TSBP1: variants seen among roughly 807,000 people sequenced by gnomAD.
TSBP1 encodes testis expressed basic protein 1.
A neutral mutation model predicts 68.8 loss-of-function variants in TSBP1; 56 were observed. The observed-to-expected ratio is 0.81, with a 90% CI of 0.66 to 1.02. The LOEUF is 1.02. Ranked by LOEUF, TSBP1 falls within the 50% of genes least tolerant of loss-of-function variation. TSBP1 has a pLI of 0.00. For synonymous variants in TSBP1, 171 were observed against 208.7 expected, an observed-to-expected ratio of 0.82 and a Z score of 1.56; for missense variants, 502 against 641.2, an observed-to-expected ratio of 0.78 and a Z score of 2.34.
Position 32,333,104 on chromosome 6 carries a change from G to A in TSBP1, c.473-1050C>T, listed in dbSNP as rs1256282535. On this transcript the variant is annotated intron_variant, in intron 14 of 22. Transcript: ENST00000612031. The surrounding 1 kb of genome is among the most constrained non-coding windows in gnomAD (Gnocchi z 4.2). ...GCTCACTGCAACCTCTGCCTCCTGGGTTCAAGCGATTCTCCTGCCTTAGCC... is the reference window on the plus strand; with the variant it reads ...GCTCACTGCAACCTCTGCCTCCTGGATTCAAGCGATTCTCCTGCCTTAGCC... Among the ~76,000 whole-genome samples, 1 of 151,940 alleles carries A rather than the reference G, an allele frequency of 6.6e-6. No homozygotes were observed. Among genetic ancestry groups the A allele is most frequent in the Non-Finnish European group, 1.5e-5 (1 of 67,984 alleles).
Position 32,343,160 on chromosome 6 carries a change from A to G in TSBP1, c.350-3522T>C. The G allele has an allele frequency of 2.5e-6, 2 of 793,360 alleles. No individual in the cohort carries two copies. The highest frequency in any genetic ancestry group is 3.6e-6 in the Non-Finnish European group (2 of 556,694). 49.1% of individuals were successfully genotyped at this position (793,360 alleles called of 1,614,324 possible). A position where few individuals can be genotyped will look rare whatever the true frequency, so the allele number is the denominator to read the frequency against. On this transcript the variant is annotated intron_variant, in intron 9 of 22. Transcript: ENST00000612031. This position sits in a 1 kb window ranked among gnomAD's most constrained non-coding sequence, Gnocchi z 4.3. ...CCTGACATAGCAGGAAACAGGAAAT[A>G]GTTAAGACAGGGAGAAGTCCTCTGC... is the stretch of plus-strand genomic sequence containing the variant.
intron 17 of TSBP1, 96 bp from the exon 19 acceptor site, chr6:32,323,233 T>G: frequency 1.3e-6 from 1 of 776,288 alleles, no homozygotes; most frequent in Admixed American, 2.2e-5. Flanking sequence ...CTTGGACACC[T>G]TTCTGGGTCT....
At chr6:32,358,570 T>G (rs1772609216) in intron 6 of TSBP1, among the ~76,000 whole-genome samples, 1 of 151,676 alleles carries the variant, frequency 6.6e-6, no homozygotes, top group African/African-American at 2.4e-5. Flanking sequence ...CCCGCTCCCC[T>G]CACCCCACAA....
rs1767618202 is a variant in TSBP1, at chr6:32,321,367, A to G, written c.559+1750T>C. 6.6e-6 allele frequency among the ~76,000 whole-genome samples: 1 copy of G among 151,502 alleles called. No homozygotes were observed. Among genetic ancestry groups the G allele is most frequent in the African/African-American group, 2.4e-5 (1 of 41,144 alleles). On this transcript the variant is annotated intron_variant, in intron 18 of 22. Transcript: ENST00000612031. This position sits in a 1 kb window ranked among gnomAD's most constrained non-coding sequence, Gnocchi z 4.3. ...ATTTTTACATCTTTTTCCTGCCCAT[A>G]CTCTCTGATGACTTCTCTGAAAAGG...
At chr6:32,355,049 G>C in intron 8 of TSBP1, 75 bp downstream of exon 8, 1 of 1,316,962 alleles carries the variant, frequency 7.6e-7, no homozygotes, top group Non-Finnish European at 1.1e-6. Flanking sequence ...TTTCTTAAAA[G>C]AGAAAAAATA....
At position 32,365,753 on chromosome 6, in the gene TSBP1, T is replaced by C. The variant is rs1583185282; in HGVS notation, c.217+414A>G. ...TGTGGGTAAAGTGAAACTGTTCTTC[T>C]TACCCTCTTTAATACATCTGTTCTA... On this transcript the variant is annotated intron_variant, in intron 6 of 22. Coordinates refer to ENST00000612031, the Ensembl canonical transcript of TSBP1. This position sits in a 1 kb window ranked among gnomAD's most constrained non-coding sequence, Gnocchi z 4.3. 1 of 401,450 alleles carries C rather than the reference T, an allele frequency of 2.5e-6. No homozygotes were observed. The highest frequency in any genetic ancestry group is 4.9e-6 in the Non-Finnish European group (1 of 202,790). The allele number at this position is 401,450 out of a possible 1,614,324, so 24.9% of individuals were successfully genotyped here.
At chr6:32,348,695 CT>C (rs879802345) in intron 9 of TSBP1, among the ~76,000 whole-genome samples, 3 of 152,118 alleles carry the variant, frequency 2.0e-5, no homozygotes, top group Non-Finnish European at 4.4e-5. Context: ...CAGTTTTACT[CT>C]TTTGCTAGCT....
Position 32,306,793 on chromosome 6 carries a change from C to G in TSBP1, c.581-4164G>C, listed in dbSNP as rs1036385320. ...TCCTTCTTTTTTCACCTCCTGCCAT[C>G]CTCAGTTTATCTCATGATACAAGGT... is the stretch of plus-strand genomic sequence containing the variant. On this transcript the variant is annotated intron_variant, in intron 19 of 22. Transcript: ENST00000612031. This position sits in a 1 kb window ranked among gnomAD's most constrained non-coding sequence, Gnocchi z 5.1. Among the ~76,000 whole-genome samples, 9 of 152,050 alleles carry G rather than the reference C, an allele frequency of 5.9e-5. No homozygotes were observed. The highest frequency in any genetic ancestry group is 1.9e-4 in the African/African-American group (8 of 41,396).
rs772680552 is a variant in TSBP1 at position 32,321,271 on chromosome 6, G to T, written c.559+1846C>A. On this transcript the variant is annotated intron_variant, in intron 18 of 22. Transcript: ENST00000612031. This position sits in a 1 kb window ranked among gnomAD's most constrained non-coding sequence, Gnocchi z 4.3. ...TGGTATAATCCCTAGTTACTTTTGC[G>T]TGCTTTTTTTCATCCCCTCTACTAG... Among the ~76,000 whole-genome samples, 2 of 151,998 alleles carry T rather than the reference G, an allele frequency of 1.3e-5. No homozygotes were observed. The highest frequency in any genetic ancestry group is 4.8e-5 in the African/African-American group (2 of 41,388).
At position 32,371,158 on chromosome 6, in the gene TSBP1, A is replaced by C. The variant is rs866706856; in HGVS notation, c.13+536T>G. On this transcript the variant is annotated intron_variant, in intron 1 of 22. Coordinates refer to ENST00000612031, the Ensembl canonical transcript of TSBP1. ...CCTCTAAAATGAACAGCAAGTAGTC[A>C]ATATGCCCTCTATTATGTGAATTTT... Among the ~76,000 whole-genome samples the C allele has an allele frequency of 3.6e-4, 51 of 142,392 alleles. 1 individual carries two copies. Among genetic ancestry groups the C allele is most frequent in the African/African-American group, 1.3e-3 (50 of 38,446 alleles). 93.4% of individuals were successfully genotyped at this position (142,392 alleles called of 152,430 possible).
chr6:32,355,958 G>A (rs1402859720), intron 6 of TSBP1, among the ~76,000 whole-genome samples: 1 of 152,150 alleles, frequency 6.6e-6, no homozygotes, highest in Non-Finnish European at 1.5e-5. Flanking sequence ...AATAAAAGAA[G>A]GAATGGCAAG....
At chr6:32,353,060 A>C (rs1383214384) in intron 8 of TSBP1, 1 of 151,990 alleles carries the variant, frequency 6.6e-6, no homozygotes, top group Non-Finnish European at 1.5e-5. Context: ...AGGAACAAAA[A>C]TAAAGCAAAA....
At chr6:32,312,279 C>T (rs951645964) in intron 19 of TSBP1, among the ~76,000 whole-genome samples, 3 of 152,128 alleles carry the variant, frequency 2.0e-5, no homozygotes, top group African/African-American at 7.2e-5. Context: ...TTGCATGCCC[C>T]AAATCCATCC....
At position 32,303,424 on chromosome 6, in the gene TSBP1, CT is replaced by C. The variant is rs1210314362; in HGVS notation, c.581-796del. 3.4e-5 allele frequency among the ~76,000 whole-genome samples: 5 copies of C among 148,198 alleles called. No individual in the cohort carries two copies. In the East Asian group the frequency reaches 1.0e-3, roughly 30 times the overall value. The stretch of plus-strand genomic sequence containing the variant: ...ATTTTTATCATGATATAATGTCCCT[CT>C]TTTGTCCCTGGTAAATTTCTTTGCA... On this transcript the variant is annotated intron_variant, in intron 19 of 22. Coordinates refer to ENST00000612031, the Ensembl canonical transcript of TSBP1.
chr6:32,360,755 C>G (rs1159296594), intron 6 of TSBP1, among the ~76,000 whole-genome samples: 1 of 152,060 alleles, frequency 6.6e-6, no homozygotes, highest in African/African-American at 2.4e-5. Context: ...GTGTGAGGTG[C>G]ATTTCCTTGA....
Position 32,302,279 on chromosome 6 carries a change from T to G in TSBP1, c.601+330A>C, listed in dbSNP as rs1765384245. Among the ~76,000 whole-genome samples, 2 of 151,780 alleles carry G rather than the reference T, an allele frequency of 1.3e-5. No homozygotes were observed. Among genetic ancestry groups the G allele is most frequent in the African/African-American group, 4.8e-5 (2 of 41,286 alleles). On this transcript the variant is annotated intron_variant, in intron 20 of 22. Transcript: ENST00000612031. This position sits in a 1 kb window ranked among gnomAD's most constrained non-coding sequence, Gnocchi z 5.1. Reference sequence around the variant, plus strand: ...ACCAGCCTAGGCAACATAGCAAGACTCAGTTTCTACAAAAAATAAAAAAAA... The same window carrying G: ...ACCAGCCTAGGCAACATAGCAAGACGCAGTTTCTACAAAAAATAAAAAAAA...
At chr6:32,312,378 C>T (rs1766494857) in intron 19 of TSBP1, among the ~76,000 whole-genome samples, 2 of 152,106 alleles carry the variant, frequency 1.3e-5, no homozygotes, top group Admixed American at 6.6e-5. Context: ...TTGTATTTCT[C>T]CTCCCCATTC....
intron 6 of TSBP1, among the ~76,000 whole-genome samples, chr6:32,362,947 A>G (rs942553516): frequency 1.3e-5 from 2 of 151,994 alleles, no homozygotes; most frequent in African/African-American, 2.4e-5. Flanking sequence ...TTCTGTGTGG[A>G]TGCTCTATTC....
At chr6:32,346,519 C>T (rs1771013140) in intron 9 of TSBP1, among the ~76,000 whole-genome samples, 1 of 151,802 alleles carries the variant, frequency 6.6e-6, no homozygotes, top group Non-Finnish European at 1.5e-5. Flanking sequence ...CACCGTCTTG[C>T]TTTAATATTC....
Sources: allele counts gnomAD v4.1 joint callset (sites outside exome capture counted in the v4.1 genomes callset), GRCh38; gene constraint gnomAD v4.1.1; non-coding constraint Gnocchi (gnomAD v3.1); transcripts MANE v1.5; gene names NCBI Gene and HGNC (gene_info 2026-07-23, HGNC 2026-07-21).